The following GLCCI1 variants were observed in gnomAD, a reference collection of about 807,000 sequenced individuals.
GLCCI1 encodes the protein glucocorticoid-induced transcript 1 protein.
In GLCCI1, 24 loss-of-function variants were observed where a neutral mutation model predicts 52.2. The ratio of observed to expected loss-of-function variants is 0.46; its 90% CI spans 0.33 to 0.65. The LOEUF is 0.65. GLCCI1 is among the 30% of genes least tolerant of loss of function. The pLI, the probability that GLCCI1 is intolerant of heterozygous loss-of-function variation, is 0.02. For synonymous variants in GLCCI1, 310 were observed against 276.5 expected (o/e 1.12, Z -1.20); for missense variants, 704 against 701.5 (o/e 1.00, Z -0.04).
chr7:8,001,940 C>G (rs953641488), intron 1 of GLCCI1, among the ~76,000 whole-genome samples: 1 of 152,076 alleles, frequency 6.6e-6, no homozygotes, highest in Non-Finnish European at 1.5e-5. Flanking sequence ...ACACCAGGGC[C>G]TCTCATAGGG....
chr7:8,023,725 A>G (rs1197539809), intron 3 of GLCCI1, among the ~76,000 whole-genome samples: 1 of 149,754 alleles, frequency 6.7e-6, no homozygotes, highest in Non-Finnish European at 1.5e-5. Context: ...CAGCCACCCG[A>G]GTAGCTGGGA....
chr7:8,064,390 T>C (rs544182565), intron 5 of GLCCI1, among the ~76,000 whole-genome samples: 1 of 152,336 alleles, frequency 6.6e-6, no homozygotes, highest in Non-Finnish European at 1.5e-5. Context: ...TTTTCTCGAC[T>C]TTGTCAAAGA....
intron 3 of GLCCI1, among the ~76,000 whole-genome samples, chr7:8,037,632 T>G (rs1369078146): frequency 1.3e-5 from 2 of 152,150 alleles, no homozygotes; most frequent in Non-Finnish European, 2.9e-5. Context: ...GATCTAATCA[T>G]ATCTTGCTTA....
chr7:8,006,114 T>C (rs559570929), intron 2 of GLCCI1, among the ~76,000 whole-genome samples: 2 of 152,280 alleles, frequency 1.3e-5, no homozygotes, highest in South Asian at 4.1e-4. Context: ...TATTATCTTA[T>C]TCGCTCTTCA....
At chr7:7,991,715 T>C (rs1219882469) in intron 1 of GLCCI1, among the ~76,000 whole-genome samples, 1 of 152,112 alleles carries the variant, frequency 6.6e-6, no homozygotes, top group East Asian at 1.9e-4. Context: ...CTTTTCTACA[T>C]GGCTCTTCTT....
At chr7:8,065,007 G>A (rs747615361) in intron 5 of GLCCI1, among the ~76,000 whole-genome samples, 4 of 152,106 alleles carry the variant, frequency 2.6e-5, no homozygotes, top group Non-Finnish European at 4.4e-5. Context: ...GTGAGCCACC[G>A]CGCCTGGCCA....
At chr7:8,033,859 A>G (rs1032998249) in intron 3 of GLCCI1, among the ~76,000 whole-genome samples, 1 of 152,168 alleles carries the variant, frequency 6.6e-6, no homozygotes, top group Non-Finnish European at 1.5e-5. Context: ...TGAAAATACC[A>G]GGGCTTTTGT....
At chr7:8,031,678 T>C (rs1781752205) in intron 3 of GLCCI1, among the ~76,000 whole-genome samples, 1 of 152,004 alleles carries the variant, frequency 6.6e-6, no homozygotes, top group African/African-American at 2.4e-5. Flanking sequence ...ATATACCTAC[T>C]ATGTACCCAC....
At chr7:8,006,107 T>C (rs936355261) in intron 2 of GLCCI1, among the ~76,000 whole-genome samples, 19 of 152,148 alleles carry the variant, frequency 1.2e-4, no homozygotes, top group African/African-American at 4.3e-4. Context: ...CCAGAAATAT[T>C]ATCTTATTCG....
intron 1 of GLCCI1, among the ~76,000 whole-genome samples, chr7:7,997,830 G>C (rs1401439720): frequency 6.6e-6 from 1 of 151,932 alleles, no homozygotes; most frequent in Non-Finnish European, 1.5e-5. Context: ...GGGAGCCTGA[G>C]ACATGAGAAT....
intron 5 of GLCCI1, 159 bp from the exon 6 acceptor site, chr7:8,070,762 C>A: frequency 4.9e-6 from 3 of 616,986 alleles, no homozygotes; most frequent in Non-Finnish European, 5.7e-6. Flanking sequence ...AGGTAACATA[C>A]GCAGAAATTA....
At chr7:8,004,142 A>C in intron 2 of GLCCI1, 83 bp downstream of exon 2, 1 of 1,231,626 alleles carries the variant, frequency 8.1e-7, no homozygotes, top group South Asian at 2.0e-5. Flanking sequence ...ATATAATCAA[A>C]TTTCCCCAAA....
intron 5 of GLCCI1, among the ~76,000 whole-genome samples, chr7:8,069,543 A>G (rs1340876424): frequency 6.6e-6 from 1 of 152,104 alleles, no homozygotes; most frequent in Non-Finnish European, 1.5e-5. Context: ...CTGAGCCGGG[A>G]GCCCCACCGG....
At chr7:8,027,492 A>T (rs563066677) in intron 3 of GLCCI1, among the ~76,000 whole-genome samples, 1 of 152,310 alleles carries the variant, frequency 6.6e-6, no homozygotes, top group African/African-American at 2.4e-5. Context: ...TATCTCAAAA[A>T]TAAAAGGAAG....
intron 5 of GLCCI1, among the ~76,000 whole-genome samples, chr7:8,061,958 C>T (rs949142758): frequency 4.6e-5 from 7 of 152,002 alleles, no homozygotes; most frequent in Non-Finnish European, 1.0e-4. Flanking sequence ...TGAGCCACTG[C>T]GCCCAGCCCA....
At chr7:8,033,838 T>C (rs927092759) in intron 3 of GLCCI1, among the ~76,000 whole-genome samples, 2 of 152,160 alleles carry the variant, frequency 1.3e-5, no homozygotes, top group Non-Finnish European at 2.9e-5. Flanking sequence ...ATAGATTCAA[T>C]GCAATTTCTA....
chr7:8,059,870 A>T (rs182114947), intron 4 of GLCCI1, among the ~76,000 whole-genome samples: 1 of 152,350 alleles, frequency 6.6e-6, no homozygotes, highest in East Asian at 1.9e-4. Flanking sequence ...GTATACCTTT[A>T]TACTTACATA....
chr7:8,084,902 G>C lies in GLCCI1; in HGVS notation c.1183G>C (p.Gly395Arg). Residue 395 changes from glycine to arginine, a missense_variant, in exon 7 of 8, where the codon GGG (glycine) becomes CGG (arginine). By Grantham distance (125) the Gly-to-Arg change is moderately radical. Coordinates refer to ENST00000223145, the MANE Select transcript of GLCCI1 (RefSeq NM_138426.4). ...TAACTGCTTTAAATTTACAGACAGT[G>C]GGAGTAGCTCACCGTTACCCAAGTA... ...DLLYDRDKDS[G>R]SSSPLPKYAS... 6.2e-7 allele frequency: 1 copy of C among 1,613,634 alleles called. No individual in the cohort carries two copies. Among genetic ancestry groups the C allele is most frequent in the Non-Finnish European group, 8.5e-7 (1 of 1,179,856 alleles).
rs201662119 is a variant in GLCCI1 at position 8,070,923 on chromosome 7, G to A, written c.969G>A (p.Pro323=). The A allele has an allele frequency of 1.3e-5, 21 of 1,613,558 alleles. No individual in the cohort carries two copies. The highest frequency in any genetic ancestry group is 6.7e-5 in the African/African-American group (5 of 75,020). The change falls in exon 6 of 8, where the codon CCG becomes CCA. Residue 323 remains proline, a splice_region_variant and synonymous_variant. Coordinates refer to ENST00000223145, the MANE Select transcript of GLCCI1 (RefSeq NM_138426.4). ...ENNGKEEVSK[P]LDIPDGRRAP... ...GTTTAATGGTATTCCTCTTACAGCC[G>A]TTGGACATACCAGATGGTCGAAGAG...
Sources: gnomAD v4.1 joint callset for allele counts (sites outside exome capture counted in the v4.1 genomes callset) on GRCh38, gnomAD v4.1.1 for gene constraint, MANE v1.5 for transcripts, NCBI Gene and HGNC (gene_info 2026-07-23, HGNC 2026-07-21) for gene names.